The following NRXN3 variants were observed in gnomAD, a reference collection of about 807,000 sequenced individuals.
NRXN3 encodes the protein neurexin 3, also known as neurexin III.
A neutral mutation model predicts 137.6 loss-of-function variants in NRXN3; 32 were observed. That is an observed-to-expected ratio of 0.23 (90% CI 0.18 to 0.31). The LOEUF is 0.31. NRXN3 is among the 10% of genes least tolerant of loss of function. NRXN3 has a pLI of 1.00. For synonymous variants in NRXN3, 798 were observed against 784.5 expected (o/e 1.02, Z -0.29); for missense variants, 1,574 against 2,062.5 (o/e 0.76, Z 4.59).
At chr14:79,350,969 A>G (rs1486895020) in intron 15 of NRXN3, among the ~76,000 whole-genome samples, 5 of 152,164 alleles carry the variant, frequency 3.3e-5, no homozygotes, top group Admixed American at 6.5e-5. Context: ...ATAATCCTCA[A>G]TTTACAGAAG....
At chr14:78,286,332 G>T (rs2075172853) in intron 3 of NRXN3, among the ~76,000 whole-genome samples, 1 of 152,186 alleles carries the variant, frequency 6.6e-6, no homozygotes, top group Non-Finnish European at 1.5e-5. Flanking sequence ...TGCTCAAAAT[G>T]TCATTGATGA....
intron 15 of NRXN3, among the ~76,000 whole-genome samples, chr14:79,129,253 C>A (rs2057059349): frequency 6.7e-6 from 1 of 149,860 alleles, no homozygotes; most frequent in South Asian, 2.1e-4. Context: ...TTTTCTAGTT[C>A]TTTTAATTGT....
intron 8 of NRXN3, among the ~76,000 whole-genome samples, chr14:78,778,304 A>C (rs74064961): frequency 3.5e-4 from 53 of 152,310 alleles, no homozygotes; most frequent in African/African-American, 1.2e-3. Context: ...AGTTTACTTT[A>C]AACGGTTAGG....
chr14:78,807,738 A>AG (rs1397189664), intron 9 of NRXN3, among the ~76,000 whole-genome samples: 3 of 104,126 alleles, frequency 2.9e-5, no homozygotes, highest in Non-Finnish European at 5.3e-5. Context: ...CTGTCTCAAA[A>AG]AAAAAAAAAA....
rs139333831 is a variant in NRXN3, at chr14:79,560,974, G to A, written c.3444+93572G>A. On this transcript the variant is annotated intron_variant, in intron 16 of 20. Transcript: ENST00000335750. ...TATGGTGCCTCTTTATGAACCAGAC[G>A]CTGCTTGTGCAACAGAGGCTGATCC... Among the ~76,000 whole-genome samples, 176 of 152,232 alleles carry A rather than the reference G, an allele frequency of 1.2e-3. 2 individuals are homozygous for A. The highest frequency in any genetic ancestry group is 3.3e-3 in the Admixed American group (50 of 15,288).
In NRXN3 at chr14:78,266,504, G is replaced by A. The variant is rs889051609; in HGVS notation, c.710-12141G>A. 6.6e-5 allele frequency among the ~76,000 whole-genome samples: 10 copies of A among 152,032 alleles called. No homozygotes were observed. In the East Asian group the frequency reaches 9.7e-4, roughly 15 times the overall value. Reference sequence around the variant, plus strand: ...AGTAGAGACAGGGTTTCACCTTGTTGGCCAGGATGGTCTTGATCTCCTGAC... The same window carrying A: ...AGTAGAGACAGGGTTTCACCTTGTTAGCCAGGATGGTCTTGATCTCCTGAC... On this transcript the variant is annotated intron_variant, in intron 2 of 20. Coordinates refer to ENST00000335750, the MANE Select transcript of NRXN3 (RefSeq NM_001330195.2).
At position 79,862,980 on chromosome 14, in the gene NRXN3, G is replaced by A. The variant is rs1268827611; in HGVS notation, c.*1016G>A. 1 of 152,538 alleles carries A rather than the reference G, an allele frequency of 6.6e-6. No homozygotes were observed. Among genetic ancestry groups the A allele is most frequent in the Non-Finnish European group, 1.5e-5 (1 of 68,038 alleles). The allele number at this position is 152,538 out of a possible 1,614,324, so 9.4% of individuals were successfully genotyped here. A position where few individuals can be genotyped will look rare whatever the true frequency, so the allele number is the denominator to read the frequency against. On this transcript the variant is annotated 3_prime_UTR_variant, in exon 21 of 21. Coordinates refer to ENST00000335750, the MANE Select transcript of NRXN3 (RefSeq NM_001330195.2). ...CTTTCCTAGGGAAGAGGAAGGGGAG[G>A]TGGGCTGGATCTGTGACTGATTGAA...
At chr14:79,280,099 CT>C (rs113717753) in intron 15 of NRXN3, 23,352 of 1,296,976 alleles carry the variant, frequency 0.018, 976 homozygotes, top group African/African-American at 0.14. Flanking sequence ...TGCCTTTTAT[CT>C]TTTTTTTTTC....
At chr14:78,331,767 C>A (rs2080848476) in intron 4 of NRXN3, among the ~76,000 whole-genome samples, 1 of 152,102 alleles carries the variant, frequency 6.6e-6, no homozygotes, top group East Asian at 1.9e-4. Context: ...GGGGAGTGTG[C>A]AGAGGGTAAG....
At chr14:79,629,053 T>C (rs908678190) in intron 16 of NRXN3, among the ~76,000 whole-genome samples, 2 of 152,222 alleles carry the variant, frequency 1.3e-5, no homozygotes, top group African/African-American at 2.4e-5. Flanking sequence ...TCAAAAAGTT[T>C]TTCCTCTGGA....
chr14:79,027,121 A>G (rs2099599942), intron 15 of NRXN3, among the ~76,000 whole-genome samples: 1 of 150,006 alleles, frequency 6.7e-6, no homozygotes, highest in African/African-American at 2.4e-5. Flanking sequence ...AGAAGCCTAT[A>G]TCTGTAGATA....
intron 20 of NRXN3, among the ~76,000 whole-genome samples, chr14:79,831,948 A>C (rs534105577): frequency 1.3e-5 from 2 of 152,232 alleles, no homozygotes; most frequent in South Asian, 4.1e-4. Context: ...TGAAAATTTC[A>C]TAATACTTTA....
At chr14:78,456,576 T>A (rs2094708015) in intron 4 of NRXN3, among the ~76,000 whole-genome samples, 1 of 152,196 alleles carries the variant, frequency 6.6e-6, no homozygotes, top group Non-Finnish European at 1.5e-5. Flanking sequence ...TCATTTCTTT[T>A]TCTTTCTTCA....
At chr14:78,950,892 C>A (rs11159387) in intron 10 of NRXN3, among the ~76,000 whole-genome samples, 23,743 of 152,058 alleles carry the variant, frequency 0.16, 3,422 homozygotes, top group East Asian at 0.43. Context: ...CCTTCTCTGG[C>A]TAGTAGGATC....
chr14:79,627,828 G>T (rs1389791279), intron 16 of NRXN3, among the ~76,000 whole-genome samples: 1 of 152,070 alleles, frequency 6.6e-6, no homozygotes, highest in East Asian at 1.9e-4. Flanking sequence ...GCAGATAAGA[G>T]ATGGTAGTCA....
intron 1 of NRXN3, among the ~76,000 whole-genome samples, chr14:78,212,471 A>G (rs1259638160): frequency 1.3e-5 from 2 of 152,052 alleles, no homozygotes; most frequent in Non-Finnish European, 2.9e-5. Flanking sequence ...CCTCACCCTT[A>G]GGGGCCCAGC....
At chr14:79,455,168 A>G (rs1297302916) in intron 15 of NRXN3, among the ~76,000 whole-genome samples, 1 of 152,174 alleles carries the variant, frequency 6.6e-6, no homozygotes, top group African/African-American at 2.4e-5. Flanking sequence ...TTCAAGATCT[A>G]GGTAGATTGT....
chr14:79,540,648 T>G (rs1290018992), intron 16 of NRXN3, among the ~76,000 whole-genome samples: 1 of 152,132 alleles, frequency 6.6e-6, no homozygotes, highest in Non-Finnish European at 1.5e-5. Context: ...TAAAATAGCC[T>G]GGATCAAGGA....
intron 15 of NRXN3, among the ~76,000 whole-genome samples, chr14:79,365,298 T>C (rs1262239818): frequency 6.6e-6 from 1 of 152,182 alleles, no homozygotes; most frequent in African/African-American, 2.4e-5. Context: ...ACATTTCTAC[T>C]TGGTCCAGCT....
Sources: gnomAD v4.1 joint callset for allele counts (sites outside exome capture counted in the v4.1 genomes callset) on GRCh38, gnomAD v4.1.1 for gene constraint, MANE v1.5 for transcripts, NCBI Gene and HGNC (gene_info 2026-07-23, HGNC 2026-07-21) for gene names.